Variants in MAP7D2 observed in about 807,000 individuals in gnomAD.
MAP7D2 encodes the protein MAP7 domain containing 2.
In MAP7D2, 33 loss-of-function variants were observed where a neutral mutation model predicts 63.5. That is an observed-to-expected ratio of 0.52 (90% CI 0.39 to 0.70). The LOEUF (loss-of-function observed/expected upper bound fraction) is 0.70. Ranked by LOEUF, MAP7D2 falls within the 30% of genes least tolerant of loss-of-function variation. The probability of loss-of-function intolerance (pLI) is 0.00; values close to 1 mark genes in which losing one functional copy is unlikely to be tolerated. For synonymous variants in MAP7D2, 224 were observed against 223.7 expected (o/e 1.00, Z -0.01); for missense variants, 626 against 604.0 (o/e 1.04, Z -0.38).
intron 8 of MAP7D2, among the ~76,000 whole-genome samples, chrX:20,032,120 T>C (rs969893227): frequency 9.8e-5 from 11 of 111,871 alleles, no homozygotes; most frequent in East Asian, 5.6e-4. Flanking sequence ...TTTTGCAAGG[T>C]TGAAATGATT....
intron 1 of MAP7D2, among the ~76,000 whole-genome samples, chrX:20,070,854 T>C (rs1198670931): frequency 8.9e-6 from 1 of 112,407 alleles, no homozygotes; most frequent in Non-Finnish European, 1.9e-5. Flanking sequence ...TTTTATTAGC[T>C]TGAAGTACTC....
At chrX:20,106,542 T>A (rs1055324805) in intron 1 of MAP7D2, among the ~76,000 whole-genome samples, 1 of 112,107 alleles carries the variant, frequency 8.9e-6, no homozygotes, top group Non-Finnish European at 1.9e-5. Flanking sequence ...TGAGACTCAA[T>A]GTAGACCACA....
At chrX:20,082,970 G>A (rs918386842) in intron 1 of MAP7D2, among the ~76,000 whole-genome samples, 1 of 112,155 alleles carries the variant, frequency 8.9e-6, no homozygotes, top group African/African-American at 3.2e-5. Context: ...AGTACAATGT[G>A]TAACCGCATT....
intron 10 of MAP7D2, among the ~76,000 whole-genome samples, chrX:20,022,006 G>C (rs2073666540): frequency 8.9e-6 from 1 of 112,168 alleles, no homozygotes; most frequent in South Asian, 3.7e-4. Flanking sequence ...GTGCTAACTG[G>C]GGAAAGGAGG....
rs889559840 is a variant in MAP7D2, at chrX:20,007,350, C to T, written c.*1075G>A. 8 of 112,019 alleles carry T rather than the reference C, an allele frequency of 7.1e-5. No homozygotes were observed. The highest frequency in any genetic ancestry group is 9.8e-5 in the African/African-American group (3 of 30,713). 9.2% of individuals were successfully genotyped at this position (112,019 alleles called of 1,213,427 possible). A position where few individuals can be genotyped will look rare whatever the true frequency, so the allele number is the denominator to read the frequency against. On this transcript the variant is annotated 3_prime_UTR_variant, in exon 17 of 17. Coordinates refer to ENST00000379643, the MANE Select transcript of MAP7D2 (RefSeq NM_001168465.2). ...TCATTTTAATTTGAAAGCCACATTT[C>T]GCCACAAGAAACAAAATTAAGAAAA... is the stretch of plus-strand genomic sequence containing the variant.
At chrX:20,097,112 A>G (rs906540065) in intron 1 of MAP7D2, among the ~76,000 whole-genome samples, 1 of 111,866 alleles carries the variant, frequency 8.9e-6, no homozygotes, top group African/African-American at 3.2e-5. Context: ...GAAGTGTTCT[A>G]TATCTGTGCC....
chrX:20,011,062 A>T lies in MAP7D2; in HGVS notation c.2073-10T>A, dbSNP rs757566935. 8.3e-7 allele frequency: 1 copy of T among 1,202,858 alleles called. No individual in the cohort carries two copies. The highest frequency in any genetic ancestry group is 1.1e-6 in the Non-Finnish European group (1 of 888,917). ...TTCTTTTGAAACAGGACTAGAAGAG[A>T]TGAACGAGAGGGAGAGAGGCAGAAA... On this transcript the variant is annotated splice_polypyrimidine_tract_variant and intron_variant, in intron 15 of 16. Coordinates refer to ENST00000379643, the MANE Select transcript of MAP7D2 (RefSeq NM_001168465.2).
intron 8 of MAP7D2, among the ~76,000 whole-genome samples, chrX:20,030,688 G>A (rs2074019102): frequency 9.0e-6 from 1 of 111,577 alleles, no homozygotes. Context: ...TGCATGGGAG[G>A]GGTCTTGGCT....
intron 1 of MAP7D2, among the ~76,000 whole-genome samples, chrX:20,076,159 G>GGGAC (rs2065636887): frequency 9.0e-6 from 1 of 111,513 alleles, no homozygotes; most frequent in Non-Finnish European, 1.9e-5. Context: ...TGCTAGTCTA[G>GGGAC]GGACCACGCT....
At chrX:20,114,985 G>T (rs1405868873) in intron 1 of MAP7D2, among the ~76,000 whole-genome samples, 1 of 111,516 alleles carries the variant, frequency 9.0e-6, no homozygotes, top group Non-Finnish European at 1.9e-5. Flanking sequence ...AACAAATGGT[G>T]GTATCACCTG....
chrX:20,069,498 A>T (rs1320693590), intron 1 of MAP7D2, among the ~76,000 whole-genome samples: 1 of 110,366 alleles, frequency 9.1e-6, no homozygotes. Flanking sequence ...CATGAGCCAC[A>T]GTCTATGGCC....
chrX:20,095,413 A>G (rs1375371091), intron 1 of MAP7D2, among the ~76,000 whole-genome samples: 2 of 110,887 alleles, frequency 1.8e-5, no homozygotes, highest in Non-Finnish European at 3.8e-5. Context: ...GTGACAAGTG[A>G]CTGTTTTTCC....
intron 10 of MAP7D2, among the ~76,000 whole-genome samples, chrX:20,018,640 A>C (rs2073510857): frequency 9.2e-6 from 1 of 108,993 alleles, no homozygotes; most frequent in Non-Finnish European, 1.9e-5. Flanking sequence ...ATGGGGTTTC[A>C]CCATGTTGGC....
intron 8 of MAP7D2, among the ~76,000 whole-genome samples, chrX:20,034,505 A>G (rs980976477): frequency 9.0e-6 from 1 of 111,178 alleles, no homozygotes; most frequent in Non-Finnish European, 1.9e-5. Flanking sequence ...TGTGAGTTGA[A>G]ACCCTAACCC....
At chrX:20,065,369 C>T (rs1037206025) in intron 1 of MAP7D2, among the ~76,000 whole-genome samples, 3 of 107,521 alleles carry the variant, frequency 2.8e-5, no homozygotes, top group Non-Finnish European at 5.8e-5. Context: ...CAGGTTCAAG[C>T]GATTCTCCTG....
At chrX:20,042,804 G>GCCC (rs2064695397) in intron 7 of MAP7D2, among the ~76,000 whole-genome samples, 175 bp from the exon 8 acceptor site, 1 of 111,741 alleles carries the variant, frequency 8.9e-6, no homozygotes, top group Admixed American at 9.5e-5. Context: ...CATCACATTT[G>GCCC]CATTATCCAG....
intron 5 of MAP7D2, 84 bp from the exon 6 acceptor site, chrX:20,051,030 T>C: frequency 1.2e-6 from 1 of 822,427 alleles, no homozygotes; most frequent in East Asian, 3.8e-5. Context: ...CAATGCATGG[T>C]GCAAATTAAC....
intron 1 of MAP7D2, among the ~76,000 whole-genome samples, chrX:20,096,081 C>CAAAAAAAAAAAAAAAA (rs1208579984): frequency 2.7e-4 from 4 of 14,877 alleles, no homozygotes; most frequent in African/African-American, 5.3e-4. Context: ...GACTCTTCCT[C>CAAAAAAAAAAAAAAAA]AAAAAAAAAA....
At chrX:20,044,550 G>C (rs1300405612) in intron 6 of MAP7D2, 26 bp from the exon 7 acceptor site, 1 of 1,179,368 alleles carries the variant, frequency 8.5e-7, no homozygotes, top group African/African-American at 1.8e-5. Context: ...ATAACAGCCA[G>C]AAGGACAGAG....
Sources: allele counts gnomAD v4.1 joint callset (sites outside exome capture counted in the v4.1 genomes callset), GRCh38; gene constraint gnomAD v4.1.1; transcripts MANE v1.5; gene names NCBI Gene and HGNC (gene_info 2026-07-23, HGNC 2026-07-21).